Variants in TMTC2 observed in about 807,000 individuals in gnomAD.
The protein encoded by TMTC2 is protein O-mannosyl-transferase TMTC2.
In TMTC2, 43 loss-of-function variants were observed where a neutral mutation model predicts 82.4. The observed-to-expected ratio is 0.52, with a 90% CI of 0.41 to 0.67. The LOEUF is 0.67. Ranked by LOEUF, TMTC2 falls within the 30% of genes least tolerant of loss-of-function variation. The pLI, the probability that TMTC2 is intolerant of heterozygous loss-of-function variation, is 0.00. For missense variants in TMTC2, 919 were observed against 1,012.4 expected (o/e 0.91, Z 1.25); for synonymous variants, 408 against 381.9 (o/e 1.07, Z -0.80).
At chr12:82,731,979 A>G (rs948613477) in intron 1 of TMTC2, among the ~76,000 whole-genome samples, 18 of 152,172 alleles carry the variant, frequency 1.2e-4, no homozygotes, top group African/African-American at 1.7e-4. Flanking sequence ...GGCTTTGCTC[A>G]TTTTCCTGTT....
intron 11 of TMTC2, among the ~76,000 whole-genome samples, chr12:83,099,070 A>G (rs1464024949): frequency 1.3e-5 from 2 of 152,208 alleles, no homozygotes; most frequent in Non-Finnish European, 1.5e-5. Context: ...TATTGCTGGG[A>G]AATAATGCTT....
chr12:82,775,310 C>T (rs892266304), intron 1 of TMTC2, among the ~76,000 whole-genome samples: 1 of 151,876 alleles, frequency 6.6e-6, no homozygotes, highest in Non-Finnish European at 1.5e-5. Flanking sequence ...AATACCCAGG[C>T]ATGGTGGTGT....
Position 82,946,447 on chromosome 12 carries a change from T to TG in TMTC2, c.1598+15903dup, listed in dbSNP as rs559253081. On this transcript the variant is annotated intron_variant, in intron 4 of 11. Coordinates refer to ENST00000321196, the MANE Select transcript of TMTC2 (RefSeq NM_152588.3). ...TCCCTTCTTCTCTCCCATTTACCCC[T>TG]GCAGAATTAAAGAATACCTAAGGAT... Among the ~76,000 whole-genome samples, 573 of 152,318 alleles carry TG rather than the reference T, an allele frequency of 3.8e-3. 7 individuals are homozygous for TG. The highest frequency in any genetic ancestry group is 0.013 in the African/African-American group (558 of 41,582).
intron 3 of TMTC2, among the ~76,000 whole-genome samples, chr12:82,914,735 G>A (rs550381273): frequency 9.3e-5 from 14 of 150,970 alleles, no homozygotes; most frequent in African/African-American, 3.2e-4. Flanking sequence ...ATAATAATGT[G>A]CTTTCCAAGG....
At chr12:83,090,770 A>G (rs1883820583) in intron 11 of TMTC2, among the ~76,000 whole-genome samples, 1 of 152,138 alleles carries the variant, frequency 6.6e-6, no homozygotes, top group Non-Finnish European at 1.5e-5. Flanking sequence ...GTGTAATTCT[A>G]GCTACATCAC....
intron 4 of TMTC2, among the ~76,000 whole-genome samples, chr12:82,944,362 AC>A (rs1262891152): frequency 1.3e-5 from 2 of 152,076 alleles, no homozygotes; most frequent in Non-Finnish European, 1.5e-5. Flanking sequence ...AGGTGGGCGG[AC>A]CACGAGGTCA....
At chr12:82,940,758 CT>C (rs11380001) in intron 4 of TMTC2, among the ~76,000 whole-genome samples, 1 of 151,224 alleles carries the variant, frequency 6.6e-6, no homozygotes, top group Non-Finnish European at 1.5e-5. Context: ...CCTATACATC[CT>C]TTTTTTTCTC....
At chr12:82,963,483 A>G (rs942362264) in intron 4 of TMTC2, among the ~76,000 whole-genome samples, 2 of 151,530 alleles carry the variant, frequency 1.3e-5, no homozygotes, top group African/African-American at 2.4e-5. Context: ...CTTTATCTGA[A>G]TTTTAAAGCA....
At chr12:82,774,809 G>T (rs1877500990) in intron 1 of TMTC2, among the ~76,000 whole-genome samples, 1 of 151,844 alleles carries the variant, frequency 6.6e-6, no homozygotes, top group Admixed American at 6.6e-5. Flanking sequence ...AGACCTGAAA[G>T]TTGTGTTTAT....
At chr12:82,918,580 T>C (rs955792402) in intron 3 of TMTC2, among the ~76,000 whole-genome samples, 1 of 152,266 alleles carries the variant, frequency 6.6e-6, no homozygotes, top group African/African-American at 2.4e-5. Context: ...GACTGTGCAG[T>C]GTATTAGTAA....
intron 1 of TMTC2, among the ~76,000 whole-genome samples, chr12:82,803,574 G>A (rs989219029): frequency 3.9e-5 from 6 of 152,000 alleles, no homozygotes; most frequent in Non-Finnish European, 7.4e-5. Context: ...TTGGGCATGC[G>A]CATTAAGAGA....
chr12:83,010,142 T>C lies in TMTC2; in HGVS notation c.2071-20656T>C, dbSNP rs140028502. Among the ~76,000 whole-genome samples, 128 of 152,326 alleles carry C rather than the reference T, an allele frequency of 8.4e-4. No individual in the cohort carries two copies. In the East Asian group the frequency reaches 0.023, roughly 27 times the overall value. ...GGTTGGGGACCCTTGTAATACAACA[T>C]TGGAGCTGCTAATATTGTATAAACA... On this transcript the variant is annotated intron_variant, in intron 8 of 11. Transcript: ENST00000321196.
At chr12:83,082,189 C>G (rs1251139147) in intron 11 of TMTC2, among the ~76,000 whole-genome samples, 4 of 152,148 alleles carry the variant, frequency 2.6e-5, no homozygotes, top group Non-Finnish European at 5.9e-5. Context: ...TGTCATATGA[C>G]TCAATTCTTT....
chr12:83,088,343 T>C (rs1015207759), intron 11 of TMTC2, among the ~76,000 whole-genome samples: 2 of 152,244 alleles, frequency 1.3e-5, no homozygotes, highest in African/African-American at 4.8e-5. Context: ...CTGTTTCACT[T>C]CCTTATCATT....
At chr12:83,013,366 G>A (rs1196917722) in intron 8 of TMTC2, among the ~76,000 whole-genome samples, 2 of 151,946 alleles carry the variant, frequency 1.3e-5, no homozygotes, top group African/African-American at 4.8e-5. Context: ...TATTTAAGTG[G>A]CCCTTCTTTA....
intron 4 of TMTC2, among the ~76,000 whole-genome samples, chr12:82,947,707 T>G (rs371456832): frequency 2.2e-4 from 33 of 152,188 alleles, no homozygotes; most frequent in African/African-American, 7.5e-4. Context: ...TTACGCCCTG[T>G]TTTTTTGTTG....
At chr12:82,971,689 C>T (rs1241090185) in intron 7 of TMTC2, among the ~76,000 whole-genome samples, 1 of 151,730 alleles carries the variant, frequency 6.6e-6, no homozygotes, top group Non-Finnish European at 1.5e-5. Context: ...TACATCATTT[C>T]ATCATGGTAA....
intron 11 of TMTC2, among the ~76,000 whole-genome samples, chr12:83,127,999 A>G (rs886860157): frequency 1.3e-5 from 2 of 152,190 alleles, no homozygotes; most frequent in African/African-American, 4.8e-5. Flanking sequence ...CTTCAAGGAA[A>G]CAAGGAATGT....
chr12:82,793,368 CT>C (rs5799596), intron 1 of TMTC2, among the ~76,000 whole-genome samples: 104 of 137,256 alleles, frequency 7.6e-4, no homozygotes, highest in African/African-American at 1.4e-3. Flanking sequence ...AGTCTTTTTT[CT>C]TTTTTTTTTT....
Sources: gnomAD v4.1 joint callset for allele counts (sites outside exome capture counted in the v4.1 genomes callset) on GRCh38, gnomAD v4.1.1 for gene constraint, MANE v1.5 for transcripts, NCBI Gene and HGNC (gene_info 2026-07-23, HGNC 2026-07-21) for gene names.